Variants in SORCS1 observed in about 807,000 individuals in gnomAD.
SORCS1 encodes VPS10 domain-containing receptor SorCS1.
A neutral mutation model predicts 146.1 loss-of-function variants in SORCS1; 60 were observed. The ratio of observed to expected loss-of-function variants is 0.41; its 90% CI spans 0.33 to 0.51. The LOEUF is 0.51. SORCS1 is among the 20% of genes least tolerant of loss of function. The pLI, the probability that SORCS1 is intolerant of heterozygous loss-of-function variation, is 0.21. For synonymous variants in SORCS1, 637 were observed against 584.0 expected, an observed-to-expected ratio of 1.09 and a Z score of -1.31; for missense variants, 1,352 against 1,487.6, an observed-to-expected ratio of 0.91 and a Z score of 1.50.
intron 18 of SORCS1, among the ~76,000 whole-genome samples, chr10:106,649,032 T>A (rs1849664884): frequency 6.6e-6 from 1 of 152,026 alleles, no homozygotes; most frequent in African/African-American, 2.4e-5. Flanking sequence ...TGGAAAACCT[T>A]CCCACTCCAT....
rs184501693 is a variant in SORCS1, at chr10:106,805,085, C to G, written c.726+24489G>C. On this transcript the variant is annotated intron_variant, in intron 3 of 25. Transcript: ENST00000263054. ...TCCTGAGCACTACAGATTTATCACTCCCCAGGCCTTCCAAAGGACTTGAAA... is the reference window on the plus strand; with the variant it reads ...TCCTGAGCACTACAGATTTATCACTGCCCAGGCCTTCCAAAGGACTTGAAA... 2.6e-5 allele frequency among the ~76,000 whole-genome samples: 4 copies of G among 152,258 alleles called. No individual in the cohort carries two copies. In the East Asian group the frequency reaches 5.8e-4, roughly 22 times the overall value.
Position 106,587,847 on chromosome 10 carries a change from G to C in SORCS1, c.3266-8373C>G, listed in dbSNP as rs990216477. On this transcript the variant is annotated intron_variant, in intron 24 of 25. Coordinates refer to ENST00000263054, the MANE Select transcript of SORCS1 (RefSeq NM_052918.5). Reference sequence around the variant, plus strand: ...GCAAAGTTCCTGTGTATTTTTTTTGGGGGGGGTCATGTTTTTTTATTTAAC... The same window carrying C: ...GCAAAGTTCCTGTGTATTTTTTTTGCGGGGGGTCATGTTTTTTTATTTAAC... Among the ~76,000 whole-genome samples the C allele has an allele frequency of 2.7e-5, 4 of 146,376 alleles. No individual in the cohort carries two copies. In the South Asian group the frequency reaches 8.7e-4, roughly 32 times the overall value.
At chr10:107,011,785 C>T (rs1166221961) in intron 1 of SORCS1, among the ~76,000 whole-genome samples, 1 of 152,096 alleles carries the variant, frequency 6.6e-6, no homozygotes, top group Non-Finnish European at 1.5e-5. Flanking sequence ...GTTCTCTATC[C>T]CCAGGCTGTT....
At chr10:106,853,166 A>G (rs1949656580) in intron 2 of SORCS1, among the ~76,000 whole-genome samples, 1 of 152,226 alleles carries the variant, frequency 6.6e-6, no homozygotes, top group South Asian at 2.1e-4. Context: ...AAGCCTATTC[A>G]GATTTCTACA....
At chr10:106,968,768 C>A (rs1005601158) in intron 1 of SORCS1, among the ~76,000 whole-genome samples, 4 of 151,804 alleles carry the variant, frequency 2.6e-5, no homozygotes, top group Non-Finnish European at 5.9e-5. Context: ...TTTTCATTAT[C>A]TCCTCTCATT....
At chr10:106,920,676 T>G (rs1010240955) in intron 2 of SORCS1, among the ~76,000 whole-genome samples, 1 of 152,160 alleles carries the variant, frequency 6.6e-6, no homozygotes, top group Non-Finnish European at 1.5e-5. Flanking sequence ...GAAAAGCGTG[T>G]AGGAAGTGAG....
chr10:106,981,339 C>A (rs1564884275), intron 1 of SORCS1, among the ~76,000 whole-genome samples: 2 of 152,266 alleles, frequency 1.3e-5, no homozygotes, highest in South Asian at 2.1e-4. Context: ...AATCTGAATT[C>A]TAGTGCAATT....
chr10:106,725,668 C>T (rs1042332288), intron 6 of SORCS1, among the ~76,000 whole-genome samples: 6 of 151,748 alleles, frequency 4.0e-5, no homozygotes, highest in Non-Finnish European at 7.4e-5. Flanking sequence ...TGGTGGCTCA[C>T]GCTTGTAATC....
chr10:106,809,008 C>T (rs921400940), intron 3 of SORCS1, among the ~76,000 whole-genome samples: 1 of 152,218 alleles, frequency 6.6e-6, no homozygotes, highest in East Asian at 1.9e-4. Context: ...AATCTGGAAG[C>T]AGTTGTCCCT....
chr10:106,706,726 C>T, intron 7 of SORCS1, 92 bp from the exon 8 acceptor site: 1 of 1,158,886 alleles, frequency 8.6e-7, no homozygotes, highest in Non-Finnish European at 1.3e-6. Flanking sequence ...AGGAAGCTTC[C>T]AACACAACAA....
intron 1 of SORCS1, among the ~76,000 whole-genome samples, chr10:106,984,052 C>T (rs1452129492): frequency 6.6e-6 from 1 of 152,106 alleles, no homozygotes; most frequent in East Asian, 1.9e-4. Context: ...TTTACCAATT[C>T]CTGGGTTAAT....
intron 9 of SORCS1, among the ~76,000 whole-genome samples, chr10:106,694,769 A>G (rs903151494): frequency 6.6e-6 from 1 of 152,206 alleles, no homozygotes; most frequent in African/African-American, 2.4e-5. Context: ...GCTGTCCTTC[A>G]TGACACCCAC....
At chr10:106,596,594 T>C (rs1589436745) in intron 24 of SORCS1, among the ~76,000 whole-genome samples, 2 of 152,324 alleles carry the variant, frequency 1.3e-5, no homozygotes, top group East Asian at 3.9e-4. Flanking sequence ...AAGTAAATTG[T>C]AAGATCATGA....
At chr10:106,779,383 T>A (rs780117391) in intron 3 of SORCS1, among the ~76,000 whole-genome samples, 4 of 152,138 alleles carry the variant, frequency 2.6e-5, no homozygotes, top group African/African-American at 9.7e-5. Context: ...CCATAAGACC[T>A]CTGGTAGAAT....
intron 2 of SORCS1, among the ~76,000 whole-genome samples, chr10:106,916,755 C>T (rs1254166505): frequency 6.6e-6 from 1 of 151,560 alleles, no homozygotes; most frequent in Non-Finnish European, 1.5e-5. Flanking sequence ...TCCAATTTTT[C>T]TTTTATTTTT....
intron 1 of SORCS1, among the ~76,000 whole-genome samples, chr10:107,055,696 A>C (rs1026744336): frequency 1.3e-5 from 2 of 152,180 alleles, no homozygotes; most frequent in African/African-American, 4.8e-5. Flanking sequence ...ACAGAGGGAC[A>C]AGAGACTAGA....
At chr10:106,693,748 C>T (rs1853476679) in intron 9 of SORCS1, among the ~76,000 whole-genome samples, 1 of 152,160 alleles carries the variant, frequency 6.6e-6, no homozygotes, top group African/African-American at 2.4e-5. Flanking sequence ...TTATGGGAAT[C>T]AGTCTTCCCA....
At chr10:107,027,934 G>C (rs1027415027) in intron 1 of SORCS1, among the ~76,000 whole-genome samples, 2 of 152,134 alleles carry the variant, frequency 1.3e-5, no homozygotes, top group Non-Finnish European at 2.9e-5. Context: ...TTCTCTACCT[G>C]GTGTCTGGCA....
At chr10:107,074,237 T>C (rs1228877300) in intron 1 of SORCS1, among the ~76,000 whole-genome samples, 3 of 152,240 alleles carry the variant, frequency 2.0e-5, no homozygotes, top group African/African-American at 7.2e-5. Context: ...CTCATCTTTT[T>C]ACTGTCTCCA....
Sources: gnomAD v4.1 joint callset for allele counts (sites outside exome capture counted in the v4.1 genomes callset) on GRCh38, gnomAD v4.1.1 for gene constraint, MANE v1.5 for transcripts, NCBI Gene and HGNC (gene_info 2026-07-23, HGNC 2026-07-21) for gene names.